The following STEAP2 variants were observed in gnomAD, a reference collection of about 807,000 sequenced individuals.
STEAP2 encodes the protein metalloreductase STEAP2.
In STEAP2, 30 loss-of-function variants were observed where a neutral mutation model predicts 46.4. The observed-to-expected ratio is 0.65, with a 90% confidence interval of 0.48 to 0.88. The LOEUF is 0.88. Among genes scored for constraint, STEAP2 ranks in the 40% least tolerant of loss-of-function variants. STEAP2 has a pLI of 0.00. For synonymous variants in STEAP2, 180 were observed against 200.5 expected (o/e 0.90, Z 0.86); for missense variants, 513 against 579.3 (o/e 0.89, Z 1.18).
intron 2 of STEAP2, among the ~76,000 whole-genome samples, chr7:90,224,299 G>A (rs966432358): frequency 6.6e-5 from 10 of 152,244 alleles, no homozygotes; most frequent in African/African-American, 2.4e-4. Context: ...TATTGCCATG[G>A]CAACACCTAG....
chr7:90,243,391 G>C, the STEAP2 span, among the ~76,000 whole-genome samples: 1 of 152,112 alleles, frequency 6.6e-6, no homozygotes, highest in Non-Finnish European at 1.5e-5. Context: ...AAAAGAGTTA[G>C]AGTTTTTTAA....
chr7:90,228,207 G>C (rs1464724794), intron 4 of STEAP2, among the ~76,000 whole-genome samples: 1 of 152,148 alleles, frequency 6.6e-6, no homozygotes, highest in East Asian at 1.9e-4. Flanking sequence ...CCCTGAAGCT[G>C]TTTGGTGTAG....
chr7:90,242,727 A>C (rs1796078058), downstream of STEAP2, among the ~76,000 whole-genome samples: 1 of 152,226 alleles, frequency 6.6e-6, no homozygotes, highest in African/African-American at 2.4e-5. Context: ...AAGCAACCTT[A>C]GACCTACTAA....
rs1210794927 is a variant in STEAP2, at chr7:90,232,808, T to C, written c.*184T>C. On this transcript the variant is annotated 3_prime_UTR_variant, in exon 6 of 6. Transcript: ENST00000394621. ...TTTTCACAAATGTCATGTTTGCCAA[T>C]ATGAATTTTTCTAGTCAACATATTA... 4 of 1,300,328 alleles carry C rather than the reference T, an allele frequency of 3.1e-6. No homozygotes were observed. The highest frequency in any genetic ancestry group is 2.4e-5 in the South Asian group (1 of 41,376). The allele number at this position is 1,300,328 out of a possible 1,614,324, so 80.5% of individuals were successfully genotyped here. A position where few individuals can be genotyped will look rare whatever the true frequency, so the allele number is the denominator to read the frequency against.
chr7:90,225,587 C>A lies in STEAP2; in HGVS notation c.492+13C>A, dbSNP rs1451375486. On this transcript the variant is annotated intron_variant, in intron 3 of 5. Coordinates refer to ENST00000394621, the MANE Select transcript of STEAP2 (RefSeq NM_001244944.2). ...TGCCAGCCGGCAGGTATGTATTTTA[C>A]ATTTTTATTCTTATGTATCTGGTAT... The A allele has an allele frequency of 6.4e-7, 1 of 1,550,884 alleles. No homozygotes were observed. The highest frequency in any genetic ancestry group is 2.1e-5 in the Admixed American group (1 of 47,574).
In STEAP2 at chr7:90,235,014, C is replaced by T. The variant is rs554735421; in HGVS notation, c.*2390C>T. The T allele has an allele frequency of 1.1e-4, 104 of 957,360 alleles. No homozygotes were observed. The highest frequency in any genetic ancestry group is 1.2e-4 in the Admixed American group (2 of 16,238). The allele number at this position is 957,360 out of a possible 1,614,324, so 59.3% of individuals were successfully genotyped here. A position where few individuals can be genotyped will look rare whatever the true frequency, so the allele number is the denominator to read the frequency against. ...TATAGTGAACTAATGAAAATAACAG[C>T]GTATTTTCAATATTTTCTTATTCCT... On this transcript the variant is annotated 3_prime_UTR_variant, in exon 6 of 6. Transcript: ENST00000394621.
chr7:90,219,469 T>A (rs778274973), intron 2 of STEAP2, among the ~76,000 whole-genome samples: 22 of 152,164 alleles, frequency 1.4e-4, no homozygotes, highest in Non-Finnish European at 2.5e-4. Flanking sequence ...ATTTTTTCTA[T>A]CCCTAGTTTG....
At chr7:90,227,619 G>A in intron 4 of STEAP2, 121 bp downstream of exon 4, 3 of 957,168 alleles carry the variant, frequency 3.1e-6, no homozygotes, top group Non-Finnish European at 2.9e-6. Flanking sequence ...ACTGCGGGAG[G>A]GGAAAGAATT....
Position 90,232,890 on chromosome 7 carries a change from T to A in STEAP2, c.*266T>A. On this transcript the variant is annotated 3_prime_UTR_variant, in exon 6 of 6. Transcript: ENST00000394621. The stretch of plus-strand genomic sequence containing the variant: ...CACAACTGTAACCCTGTTGTTACTT[T>A]ATATTTCATAATCAGGCAAAAATAC... 8 of 1,063,962 alleles carry A rather than the reference T, an allele frequency of 7.5e-6. No individual in the cohort carries two copies. Among genetic ancestry groups the A allele is most frequent in the Non-Finnish European group, 9.1e-6 (8 of 879,708 alleles). The allele number at this position is 1,063,962 out of a possible 1,614,324, so 65.9% of individuals were successfully genotyped here.
In STEAP2 at chr7:90,235,591, A is replaced by G. The variant is rs1294596624; in HGVS notation, c.*2967A>G. 1.0e-6 allele frequency: 1 copy of G among 981,400 alleles called. No individual in the cohort carries two copies. The highest frequency in any genetic ancestry group is 4.7e-5 in the South Asian group (1 of 21,060). The allele number at this position is 981,400 out of a possible 1,614,324, so 60.8% of individuals were successfully genotyped here. A position where few individuals can be genotyped will look rare whatever the true frequency, so the allele number is the denominator to read the frequency against. ...CCTTAGAAAGTTAAAAGAATGTAGA[A>G]AAGATACTCAGTCTTAATCCTATGC... On this transcript the variant is annotated 3_prime_UTR_variant, in exon 6 of 6. Transcript: ENST00000394621.
chr7:90,243,159 C>G, the STEAP2 span, among the ~76,000 whole-genome samples: 3 of 152,150 alleles, frequency 2.0e-5, no homozygotes, highest in South Asian at 6.2e-4. Context: ...CTAGTGTTAC[C>G]ATTTTTCTTT....
At chr7:90,242,129 G>A (rs1796070950), downstream of STEAP2, among the ~76,000 whole-genome samples, 1 of 152,140 alleles carries the variant, frequency 6.6e-6, no homozygotes, top group Admixed American at 6.6e-5. Flanking sequence ...TGCCAAGCAA[G>A]AGAACTTACT....
At position 90,232,781 on chromosome 7, in the gene STEAP2, A is replaced by G; in HGVS notation, c.*157A>G. 1 of 1,312,422 alleles carries G rather than the reference A, an allele frequency of 7.6e-7. No individual in the cohort carries two copies. Among genetic ancestry groups the G allele is most frequent in the Non-Finnish European group, 9.7e-7 (1 of 1,031,412 alleles). 81.3% of individuals were successfully genotyped at this position (1,312,422 alleles called of 1,614,324 possible). ...TTAGTGATAGAGTTTTCTTCAAGTT[A>G]ATTTTCACAAATGTCATGTTTGCCA... On this transcript the variant is annotated 3_prime_UTR_variant, in exon 6 of 6. Transcript: ENST00000394621.
rs1443035220 is a variant in STEAP2, at chr7:90,236,510, T to C, written c.*3886T>C. ...GGGTAAAACAAATTCTGATGTACAT[T>C]CAGGACAAATGATTAGCCCTAAATG... On this transcript the variant is annotated 3_prime_UTR_variant, in exon 6 of 6. Coordinates refer to ENST00000394621, the MANE Select transcript of STEAP2 (RefSeq NM_001244944.2). 4 of 1,012,372 alleles carry C rather than the reference T, an allele frequency of 4.0e-6. No individual in the cohort carries two copies. Among genetic ancestry groups the C allele is most frequent in the Non-Finnish European group, 4.7e-6 (4 of 847,066 alleles). 62.7% of individuals were successfully genotyped at this position (1,012,372 alleles called of 1,614,324 possible).
In STEAP2 at chr7:90,236,295, A is replaced by G; in HGVS notation, c.*3671A>G. On this transcript the variant is annotated 3_prime_UTR_variant, in exon 6 of 6. Transcript: ENST00000394621. ...AAATATTTATTTAGGAATACTGTGA[A>G]CACTGAACTAATTATTCCTGTGTCA... 1 of 969,990 alleles carries G rather than the reference A, an allele frequency of 1.0e-6. No individual in the cohort carries two copies. Among genetic ancestry groups the G allele is most frequent in the Non-Finnish European group, 1.2e-6 (1 of 815,882 alleles). The allele number at this position is 969,990 out of a possible 1,614,324, so 60.1% of individuals were successfully genotyped here. A position where few individuals can be genotyped will look rare whatever the true frequency, so the allele number is the denominator to read the frequency against.
In STEAP2 at chr7:90,233,435, C is replaced by T; in HGVS notation, c.*811C>T. On this transcript the variant is annotated 3_prime_UTR_variant, in exon 6 of 6. Transcript: ENST00000394621. ...ACTGTATACTAGTTCCTACTTAGAA[C>T]AAAAGTATCAAGTTTGCACACAAGT... The T allele has an allele frequency of 1.0e-6, 1 of 985,398 alleles. No homozygotes were observed. The highest frequency in any genetic ancestry group is 1.2e-6 in the Non-Finnish European group (1 of 829,940). The allele number at this position is 985,398 out of a possible 1,614,324, so 61.0% of individuals were successfully genotyped here.
chr7:90,227,175 A>G lies in STEAP2; in HGVS notation c.697A>G (p.Arg233Gly). The change falls in exon 4 of 6, where the codon AGA becomes GGA. Residue 233 changes from arginine (R) to glycine (G), a missense_variant. Physicochemically the swap from Arg to Gly is moderately radical, Grantham distance 125. Coordinates refer to ENST00000394621, the MANE Select transcript of STEAP2 (RefSeq NM_001244944.2). Reference sequence around the variant, plus strand: ...ATTTTTTTTCCTTTATTCCTTTGTCAGAGATGTGATTCATCCATATGCTAG... The same window carrying G: ...ATTTTTTTTCCTTTATTCCTTTGTCGGAGATGTGATTCATCCATATGCTAG... The part of the protein sequence containing the change: ...ATFFFLYSFV[R>G]DVIHPYARNQ... 6.2e-7 allele frequency: 1 copy of G among 1,613,676 alleles called. No individual in the cohort carries two copies. Among genetic ancestry groups the G allele is most frequent in the Non-Finnish European group, 8.5e-7 (1 of 1,179,834 alleles).
chr7:90,241,319 G>A (rs116163276), downstream of STEAP2, among the ~76,000 whole-genome samples: 220 of 150,768 alleles, frequency 1.5e-3, no homozygotes, highest in African/African-American at 5.2e-3. Context: ...ATTCCTAACA[G>A]AGTCCCTAGT....
rs1795862834 is a variant in STEAP2 at position 90,233,975 on chromosome 7, C to CA, written c.*1352dup. 1.0e-6 allele frequency: 1 copy of CA among 985,252 alleles called. No homozygotes were observed. Among genetic ancestry groups the CA allele is most frequent in the Admixed American group, 6.2e-5 (1 of 16,260 alleles). 61.0% of individuals were successfully genotyped at this position (985,252 alleles called of 1,614,324 possible). Reference sequence around the variant, plus strand: ...GGAACATGAGCCTGGAGACCCATGGCAGTCCATATGCCTCCCTATGCAGTG... The same window carrying CA: ...GGAACATGAGCCTGGAGACCCATGGCAAGTCCATATGCCTCCCTATGCAGTG... On this transcript the variant is annotated 3_prime_UTR_variant, in exon 6 of 6. Coordinates refer to ENST00000394621, the MANE Select transcript of STEAP2 (RefSeq NM_001244944.2).
Sources: gnomAD v4.1 joint callset for allele counts (sites outside exome capture counted in the v4.1 genomes callset) on GRCh38, gnomAD v4.1.1 for gene constraint, MANE v1.5 for transcripts, NCBI Gene and HGNC (gene_info 2026-07-23, HGNC 2026-07-21) for gene names.